CLASP1: variants seen among roughly 807,000 people sequenced by gnomAD.
CLASP1 encodes the protein cytoplasmic linker associated protein 1.
In CLASP1, 38 loss-of-function variants were observed where a neutral mutation model predicts 192.3. The ratio of observed to expected loss-of-function variants is 0.20; its 90% CI spans 0.15 to 0.26. CLASP1 has a LOEUF of 0.26. CLASP1 is among the 10% of genes least tolerant of loss of function. CLASP1 has a pLI of 1.00. For synonymous variants in CLASP1, 691 were observed against 712.8 expected, an observed-to-expected ratio of 0.97 and a Z score of 0.49; for missense variants, 1,433 against 1,932.5, an observed-to-expected ratio of 0.74 and a Z score of 4.85.
chr2:121,456,395 A>G (rs1006641202), intron 14 of CLASP1, among the ~76,000 whole-genome samples: 4 of 151,562 alleles, frequency 2.6e-5, no homozygotes, highest in African/African-American at 9.7e-5. Context: ...GTGTGTGCCT[A>G]TAGTCCCAGC....
chr2:121,352,393 ATTTC>A (rs1164505773), intron 37 of CLASP1, among the ~76,000 whole-genome samples: 1 of 152,178 alleles, frequency 6.6e-6, no homozygotes, highest in Non-Finnish European at 1.5e-5. Flanking sequence ...GCCCACTGTG[ATTTC>A]TTTTTCTTGC....
At chr2:121,619,622 T>C (rs1284847080) in intron 1 of CLASP1, among the ~76,000 whole-genome samples, 1 of 152,234 alleles carries the variant, frequency 6.6e-6, no homozygotes, top group Non-Finnish European at 1.5e-5. Flanking sequence ...AGGTGTCAGA[T>C]AAGGTACTCA....
At chr2:121,533,213 C>T (rs1055778159) in intron 2 of CLASP1, among the ~76,000 whole-genome samples, 2 of 152,128 alleles carry the variant, frequency 1.3e-5, no homozygotes, top group Admixed American at 6.5e-5. Flanking sequence ...GGTAGATGCA[C>T]CTGAGCCCCA....
In CLASP1 at chr2:121,530,876, T is replaced by C. The variant is rs74516896; in HGVS notation, c.196-551A>G. 1.7e-4 allele frequency: 114 copies of C among 690,100 alleles called. 2 individuals are homozygous for C. The highest frequency in any genetic ancestry group is 5.1e-4 in the South Asian group (34 of 67,050). 42.7% of individuals were successfully genotyped at this position (690,100 alleles called of 1,614,324 possible). A position where few individuals can be genotyped will look rare whatever the true frequency, so the allele number is the denominator to read the frequency against. On this transcript the variant is annotated intron_variant, in intron 2 of 39. Transcript: ENST00000263710. ...CTGCTTGCAGCCCAGGGACTTTCTATTATAACCATCCTTTTCTTGGGGTTG... is the reference window on the plus strand; with the variant it reads ...CTGCTTGCAGCCCAGGGACTTTCTACTATAACCATCCTTTTCTTGGGGTTG...
At chr2:121,642,112 TATA>T (rs1387688197) in intron 1 of CLASP1, among the ~76,000 whole-genome samples, 1 of 151,334 alleles carries the variant, frequency 6.6e-6, no homozygotes, top group African/African-American at 2.4e-5. Flanking sequence ...TTGGATTACA[TATA>T]ATAAAAAAAA....
chr2:121,403,336 G>GT (rs1553493747), intron 26 of CLASP1: 1 of 451,706 alleles, frequency 2.2e-6, no homozygotes, highest in Non-Finnish European at 4.5e-6. Context: ...CCCAGAGCAG[G>GT]TACTCAGTAA....
chr2:121,620,359 C>CT (rs966636879), intron 1 of CLASP1, among the ~76,000 whole-genome samples: 3 of 150,866 alleles, frequency 2.0e-5, no homozygotes, highest in Non-Finnish European at 3.0e-5. Flanking sequence ...TACTAAGCTT[C>CT]TTTTTTTTTG....
At position 121,387,267 on chromosome 2, in the gene CLASP1, G is replaced by A. The variant is rs373537223; in HGVS notation, c.3268-39C>T. 2.3e-5 allele frequency: 30 copies of A among 1,313,666 alleles called. No homozygotes were observed. The African/African-American group carries it at 3.7e-4, about 16-fold the overall frequency. 81.4% of individuals were successfully genotyped at this position (1,313,666 alleles called of 1,614,324 possible). On this transcript the variant is annotated intron_variant, in intron 31 of 39. Coordinates refer to ENST00000263710, the Ensembl canonical transcript of CLASP1. ...GAATAGGCATCGTTATTCAAGGGCT[G>A]TATATAGAATATATTCTATTCTTTC...
chr2:121,532,072 G>A (rs1042730650), intron 2 of CLASP1, among the ~76,000 whole-genome samples: 29 of 152,150 alleles, frequency 1.9e-4, no homozygotes, highest in African/African-American at 7.0e-4. Flanking sequence ...TATACAGCCT[G>A]TGCCTGCCTG....
At chr2:121,515,696 C>G in exon 7 of CLASP1, 1 of 1,613,976 alleles carries the variant, frequency 6.2e-7, no homozygotes, top group Non-Finnish European at 8.5e-7. Flanking sequence ...TTACTGAGAT[C>G]TGCCCTCACA....
chr2:121,353,167 C>A (rs1021431113), intron 37 of CLASP1, among the ~76,000 whole-genome samples: 10 of 152,102 alleles, frequency 6.6e-5, no homozygotes, highest in Non-Finnish European at 1.3e-4. Context: ...CCATCTCAAA[C>A]AAAAACAAAA....
rs767462148 is a variant in CLASP1, at chr2:121,412,713, T to C, written c.2321-1744A>G. On this transcript the variant is annotated intron_variant, in intron 23 of 39. Coordinates refer to ENST00000263710, the Ensembl canonical transcript of CLASP1. The stretch of plus-strand genomic sequence containing the variant: ...AATTATTCTGTGCTTCCAAGATGCA[T>C]ACAGCTTTGCCATACAGAGTGACTA... Among the ~76,000 whole-genome samples, 9 of 152,238 alleles carry C rather than the reference T, an allele frequency of 5.9e-5. 1 individual carries two copies. The highest frequency in any genetic ancestry group is 2.9e-5 in the Non-Finnish European group (2 of 68,040).
intron 33 of CLASP1, among the ~76,000 whole-genome samples, chr2:121,381,039 A>C (rs144915389): frequency 6.6e-6 from 1 of 152,252 alleles, no homozygotes; most frequent in East Asian, 1.9e-4. Flanking sequence ...AAGAAAAAGG[A>C]GTGACCTGCT....
intron 28 of CLASP1, among the ~76,000 whole-genome samples, chr2:121,399,971 C>T (rs1358023896): frequency 6.6e-6 from 1 of 152,054 alleles, no homozygotes; most frequent in Non-Finnish European, 1.5e-5. Context: ...ACTACTGAGC[C>T]CATGTCCCAA....
intron 37 of CLASP1, among the ~76,000 whole-genome samples, chr2:121,355,954 G>A (rs1266387891): frequency 6.6e-6 from 1 of 152,224 alleles, no homozygotes; most frequent in Non-Finnish European, 1.5e-5. Flanking sequence ...AAGTAATAGT[G>A]TCTAGCTAAG....
intron 37 of CLASP1, among the ~76,000 whole-genome samples, chr2:121,359,359 G>A (rs1297283735): frequency 6.6e-6 from 1 of 152,184 alleles, no homozygotes; most frequent in Non-Finnish European, 1.5e-5. Context: ...AACAGCAGAC[G>A]CAGGACTAAA....
rs2061867812 is a variant in CLASP1, at chr2:121,587,585, T to C, written c.195+18116A>G. Reference sequence around the variant, plus strand: ...TGGCTCACGCCTGTAATCCCAACACTTTGGGAGGCTGAAGCAGGTGAATCA... The same window carrying C: ...TGGCTCACGCCTGTAATCCCAACACCTTGGGAGGCTGAAGCAGGTGAATCA... On this transcript the variant is annotated intron_variant, in intron 2 of 39. Transcript: ENST00000263710. Among the ~76,000 whole-genome samples the C allele has an allele frequency of 2.6e-5, 4 of 152,106 alleles. No homozygotes were observed. In the South Asian group the frequency reaches 8.3e-4, roughly 32 times the overall value.
chr2:121,565,074 G>A (rs1221969005), intron 2 of CLASP1, among the ~76,000 whole-genome samples: 4 of 152,224 alleles, frequency 2.6e-5, no homozygotes, highest in African/African-American at 9.6e-5. Flanking sequence ...GTGATGAGAT[G>A]AAAGTTCACA....
intron 26 of CLASP1, 53 bp downstream of exon 27, chr2:121,404,316 CAG>C: frequency 1.3e-6 from 2 of 1,591,370 alleles, no homozygotes; most frequent in East Asian, 4.5e-5. Flanking sequence ...GTATATCACA[CAG>C]AGCACACAGA....
Sources: allele counts gnomAD v4.1 joint callset (sites outside exome capture counted in the v4.1 genomes callset), GRCh38; gene constraint gnomAD v4.1.1; transcripts MANE v1.5; gene names NCBI Gene and HGNC (gene_info 2026-07-23, HGNC 2026-07-21).